The following ABI3BP variants were observed in gnomAD, a reference collection of about 807,000 sequenced individuals.
ABI3BP encodes the protein target of Nesh-SH3.
ABI3BP carries 216 observed loss-of-function variants against 268.6 expected under a neutral mutation model. The observed-to-expected ratio is 0.80, with a 90% CI of 0.72 to 0.90. ABI3BP has a LOEUF of 0.90. ABI3BP is among the 40% of genes least tolerant of loss of function. The pLI, the probability that ABI3BP is intolerant of heterozygous loss-of-function variation, is 0.00. For synonymous variants in ABI3BP, 730 were observed against 730.0 expected (o/e 1.00, Z 0.00); for missense variants, 2,090 against 2,182.4 (o/e 0.96, Z 0.84).
In ABI3BP at chr3:100,750,426, G is replaced by T; in HGVS notation, c.*69C>A. The T allele has an allele frequency of 8.2e-7, 1 of 1,212,416 alleles. No homozygotes were observed. 75.1% of individuals were successfully genotyped at this position (1,212,416 alleles called of 1,614,324 possible). On this transcript the variant is annotated 3_prime_UTR_variant, in exon 68 of 68. Coordinates refer to ENST00000471714, the MANE Select transcript of ABI3BP (RefSeq NM_001375547.2). ...CATAGTAAACAAAATAGCTTTAAAT[G>T]AATGCGGCATAGTATTTTCAATGAT...
intron 21 of ABI3BP, among the ~76,000 whole-genome samples, chr3:100,841,194 C>CT (rs60261694): frequency 0.014 from 571 of 39,560 alleles, 24 homozygotes; most frequent in Non-Finnish European, 0.017. Context: ...CATTAGAACA[C>CT]TTTTTTTTTT....
chr3:100,827,514 G>A (rs2098410032), intron 34 of ABI3BP, among the ~76,000 whole-genome samples: 1 of 151,946 alleles, frequency 6.6e-6, no homozygotes, highest in Non-Finnish European at 1.5e-5. Context: ...GGTTTTTGGA[G>A]GTAGAAAAAG....
intron 19 of ABI3BP, 75 bp from the exon 20 acceptor site, chr3:100,846,521 A>ATTT (rs1422107792): frequency 4.7e-6 from 5 of 1,075,268 alleles, no homozygotes; most frequent in Non-Finnish European, 6.8e-6. Context: ...ACAGAAGGAA[A>ATTT]ACCTAGAAAT....
chr3:100,922,165 T>C (rs2060425166), intron 2 of ABI3BP, among the ~76,000 whole-genome samples: 2 of 152,344 alleles, frequency 1.3e-5, no homozygotes, highest in South Asian at 2.1e-4. Context: ...GGGACTTTAA[T>C]TCATCACTTT....
intron 4 of ABI3BP, 112 bp downstream of exon 4, chr3:100,898,650 C>A: frequency 7.9e-7 from 1 of 1,259,662 alleles, no homozygotes; most frequent in Non-Finnish European, 1.1e-6. Flanking sequence ...TCCCCTCACA[C>A]CTAGAACAGG....
At chr3:100,945,273 C>T (rs994320161) in intron 1 of ABI3BP, among the ~76,000 whole-genome samples, 3 of 152,050 alleles carry the variant, frequency 2.0e-5, no homozygotes, top group Non-Finnish European at 2.9e-5. Flanking sequence ...TTTTCACGAG[C>T]ATATGGAAGA....
chr3:100,914,630 T>C (rs1333939554), intron 2 of ABI3BP, among the ~76,000 whole-genome samples: 4 of 152,162 alleles, frequency 2.6e-5, no homozygotes, highest in African/African-American at 9.6e-5. Context: ...TGGCCCGCTA[T>C]AGAGAGTGAG....
intron 1 of ABI3BP, among the ~76,000 whole-genome samples, chr3:100,986,904 C>G (rs558995018): frequency 6.6e-6 from 1 of 151,850 alleles, no homozygotes; most frequent in African/African-American, 2.4e-5. Context: ...ATATGTATAT[C>G]AATTATTGTT....
chr3:100,873,773 A>G lies in ABI3BP; in HGVS notation c.910+1068T>C, dbSNP rs373887210. ...AAGTAAGGGCCTTGTCTGAGGTCCC[A>G]GAATGAGCAGGTGCCATGCCTGGGT... On this transcript the variant is annotated intron_variant, in intron 9 of 67. Transcript: ENST00000471714. Among the ~76,000 whole-genome samples the G allele has an allele frequency of 1.5e-4, 23 of 152,358 alleles. No homozygotes were observed. In the East Asian group the frequency reaches 1.5e-3, roughly 10 times the overall value.
At chr3:100,940,786 CTATATATATATATATA>C (rs1167503911) in intron 1 of ABI3BP, among the ~76,000 whole-genome samples, 580 of 10,144 alleles carry the variant, frequency 0.057, 86 homozygotes, top group Admixed American at 0.081. Context: ...AATTACTTCA[CTATATATATATATATA>C]TATATATATA....
intron 6 of ABI3BP, among the ~76,000 whole-genome samples, chr3:100,883,162 A>G (rs2040271375): frequency 6.6e-6 from 1 of 152,156 alleles, no homozygotes; most frequent in Non-Finnish European, 1.5e-5. Context: ...CCATAGTTAA[A>G]TAAAATTCAC....
At chr3:100,754,768 C>T in intron 63 of ABI3BP, 77 bp from the exon 64 acceptor site, 1 of 1,149,240 alleles carries the variant, frequency 8.7e-7, no homozygotes. Context: ...ATTATACGGA[C>T]ATCCACTATA....
In ABI3BP at chr3:100,759,394, GTTA is replaced by G. The variant is rs960808879; in HGVS notation, c.4851-4706_4851-4704del. Among the ~76,000 whole-genome samples, 9 of 152,184 alleles carry G rather than the reference GTTA, an allele frequency of 5.9e-5. No homozygotes were observed. The East Asian group carries it at 9.6e-4, about 16-fold the overall frequency. On this transcript the variant is annotated intron_variant, in intron 63 of 67. Transcript: ENST00000471714. ...TTTCTGGATACCTGCCACATGTAAAGTTATTATGCTGATCTGGGAACACAGATA... is the reference window on the plus strand; with the variant it reads ...TTTCTGGATACCTGCCACATGTAAAGTTATGCTGATCTGGGAACACAGATA...
chr3:100,787,255 C>T (rs2097078551), intron 57 of ABI3BP, among the ~76,000 whole-genome samples: 1 of 152,096 alleles, frequency 6.6e-6, no homozygotes, highest in African/African-American at 2.4e-5. Context: ...CCAGGGTAAC[C>T]AGATGCGAAT....
intron 37 of ABI3BP, 44 bp downstream of exon 37, chr3:100,823,414 C>T (rs765240451): frequency 1.4e-6 from 2 of 1,473,720 alleles, no homozygotes; most frequent in Non-Finnish European, 1.8e-6. Context: ...CTAGGTTTGA[C>T]AATAAGCAAA....
At chr3:100,913,357 G>C (rs1439720796) in intron 2 of ABI3BP, among the ~76,000 whole-genome samples, 1 of 152,076 alleles carries the variant, frequency 6.6e-6, no homozygotes, top group Non-Finnish European at 1.5e-5. Flanking sequence ...CAGAAAACCT[G>C]CCCATCCATG....
chr3:100,961,947 C>T (rs2079266628), intron 1 of ABI3BP, among the ~76,000 whole-genome samples: 1 of 152,140 alleles, frequency 6.6e-6, no homozygotes, highest in African/African-American at 2.4e-5. Flanking sequence ...CTGTTACATC[C>T]TTCTGGAGAT....
chr3:100,911,370 A>G (rs2056392168), intron 2 of ABI3BP: 1 of 263,742 alleles, frequency 3.8e-6, no homozygotes, highest in African/African-American at 2.3e-5. Context: ...TGTTCCCCTG[A>G]GGGTCTTTTT....
At chr3:100,751,288 T>A (rs2095310949) in intron 67 of ABI3BP, among the ~76,000 whole-genome samples, 1 of 152,190 alleles carries the variant, frequency 6.6e-6, no homozygotes, top group Admixed American at 6.5e-5. Context: ...AATGAGTGAT[T>A]TAAGTTTGGG....
Sources: gnomAD v4.1 joint callset for allele counts (sites outside exome capture counted in the v4.1 genomes callset) on GRCh38, gnomAD v4.1.1 for gene constraint, MANE v1.5 for transcripts, NCBI Gene and HGNC (gene_info 2026-07-23, HGNC 2026-07-21) for gene names.